PRDM16: variants seen among roughly 807,000 people sequenced by gnomAD.
The protein encoded by PRDM16 is histone-lysine N-methyltransferase PRDM16.
PRDM16 carries 23 observed loss-of-function variants against 110.6 expected under a neutral mutation model. The ratio of observed to expected loss-of-function variants is 0.21; its 90% CI spans 0.15 to 0.29. The LOEUF (loss-of-function observed/expected upper bound fraction) is 0.29, where lower values mean the gene tolerates loss of function less well. PRDM16 is among the 10% of genes least tolerant of loss of function. PRDM16 has a pLI of 1.00. For synonymous variants in PRDM16, 799 were observed against 781.8 expected, an observed-to-expected ratio of 1.02 and a Z score of -0.37; for missense variants, 1,615 against 1,794.3, an observed-to-expected ratio of 0.90 and a Z score of 1.81.
At chr1:3,083,696 G>T (rs1642084495) in intron 1 of PRDM16, among the ~76,000 whole-genome samples, 1 of 152,122 alleles carries the variant, frequency 6.6e-6, no homozygotes, top group African/African-American at 2.4e-5. Context: ...CAGGGGGTTG[G>T]GGGTGTTGTT....
chr1:3,101,647 G>A (rs569642759), intron 1 of PRDM16, among the ~76,000 whole-genome samples: 160 of 152,334 alleles, frequency 1.1e-3, no homozygotes, highest in African/African-American at 3.6e-3. Context: ...TCTCTGCTCC[G>A]GGCCAGGCAG....
chr1:3,322,630 C>T (rs1641787906), intron 3 of PRDM16, among the ~76,000 whole-genome samples: 5 of 152,196 alleles, frequency 3.3e-5, no homozygotes, highest in African/African-American at 1.2e-4. Flanking sequence ...TGGTGTAGGC[C>T]AGTGCCTGGC....
intron 3 of PRDM16, among the ~76,000 whole-genome samples, chr1:3,268,292 C>A (rs556920854): frequency 6.6e-6 from 1 of 152,218 alleles, no homozygotes; most frequent in African/African-American, 2.4e-5. Context: ...CTTTGTCAGG[C>A]TCCGAGCAAT....
chr1:3,310,488 C>A (rs2100413333), intron 3 of PRDM16, among the ~76,000 whole-genome samples: 1 of 152,290 alleles, frequency 6.6e-6, no homozygotes, highest in East Asian at 1.9e-4. Flanking sequence ...CCACAGGGGC[C>A]CTCGGAGCTG....
intron 2 of PRDM16, among the ~76,000 whole-genome samples, chr1:3,215,564 C>T (rs951222415): frequency 6.6e-6 from 1 of 151,848 alleles, no homozygotes; most frequent in African/African-American, 2.4e-5. Context: ...GCTGCAGCCC[C>T]ACCCTCCCTC....
Position 3,381,347 on chromosome 1 carries a change from A to G in PRDM16, c.439-3805A>G, listed in dbSNP as rs1643098376. Among the ~76,000 whole-genome samples the G allele has an allele frequency of 3.5e-5, 5 of 143,366 alleles. No individual in the cohort carries two copies. In the South Asian group the frequency reaches 1.0e-3, roughly 30 times the overall value. The allele number at this position is 143,366 out of a possible 152,430, so 94.1% of individuals were successfully genotyped here. On this transcript the variant is annotated intron_variant, in intron 3 of 16. Transcript: ENST00000270722. ...TTGTTTTTCCAGGGATTTATTGGGG[A>G]GAGCCCCAAGGCCTGGAAGTCAAGA...
chr1:3,374,612 G>A (rs757116997), intron 3 of PRDM16, among the ~76,000 whole-genome samples: 6 of 152,170 alleles, frequency 3.9e-5, no homozygotes, highest in Non-Finnish European at 7.3e-5. Flanking sequence ...TCTCCTGGGG[G>A]CCGCTGTGCA....
chr1:3,412,629 C>A lies in PRDM16; in HGVS notation c.2432C>A (p.Ala811Asp). Reference sequence around the variant, plus strand: ...CTGGACCTGAGCATCGGCAGCCGGGCCCGTGCCAGCCAAAACGGCGGCGGG... The same window carrying A: ...CTGGACCTGAGCATCGGCAGCCGGGACCGTGCCAGCCAAAACGGCGGCGGG... ...QPLDLSIGSR[A>D]RASQNGGGRE... Residue 811 changes from alanine to aspartate, a missense_variant, in exon 9 of 17, where the codon GCC becomes GAC. Around this residue, in one of 5 missense-constraint regions of PRDM16, gnomAD observed 772 missense variants for 748.3 expected, o/e 1.03. Coordinates refer to ENST00000270722, the MANE Select transcript of PRDM16 (RefSeq NM_022114.4). The A allele has an allele frequency of 6.3e-7, 1 of 1,578,476 alleles. No homozygotes were observed. Among genetic ancestry groups the A allele is most frequent in the Non-Finnish European group, 8.6e-7 (1 of 1,161,652 alleles).
At chr1:3,316,020 C>T (rs956137097) in intron 3 of PRDM16, among the ~76,000 whole-genome samples, 5 of 152,076 alleles carry the variant, frequency 3.3e-5, no homozygotes, top group Non-Finnish European at 7.3e-5. Flanking sequence ...CAAGCTGTGG[C>T]TTTCAGTTGG....
intron 2 of PRDM16, among the ~76,000 whole-genome samples, chr1:3,223,102 G>C (rs1007347585): frequency 2.5e-5 from 3 of 120,060 alleles, no homozygotes; most frequent in Non-Finnish European, 4.7e-5. Context: ...CAAAATCAAG[G>C]CTTTTTTTTT....
intron 3 of PRDM16, among the ~76,000 whole-genome samples, chr1:3,310,876 G>A (rs1308259227): frequency 3.3e-5 from 5 of 151,008 alleles, no homozygotes; most frequent in Admixed American, 1.3e-4. Flanking sequence ...TGCATGTGTG[G>A]GCATGCGTGT....
At chr1:3,089,829 T>C (rs1642234179) in intron 1 of PRDM16, among the ~76,000 whole-genome samples, 1 of 152,202 alleles carries the variant, frequency 6.6e-6, no homozygotes, top group South Asian at 2.1e-4. Flanking sequence ...ACCAAGCTGG[T>C]GACTTGCTCC....
At chr1:3,112,176 C>A (rs891199969) in intron 1 of PRDM16, among the ~76,000 whole-genome samples, 2 of 152,086 alleles carry the variant, frequency 1.3e-5, no homozygotes, top group African/African-American at 4.8e-5. Flanking sequence ...AAGGTCTTAG[C>A]GAAGGAAAAG....
intron 1 of PRDM16, among the ~76,000 whole-genome samples, chr1:3,070,056 G>T (rs1482057995): frequency 6.6e-6 from 1 of 152,048 alleles, no homozygotes; most frequent in East Asian, 2.0e-4. Context: ...CCGCCGGGGC[G>T]ACAGTGCCTC....
Position 3,148,416 on chromosome 1 carries a change from G to C in PRDM16, c.38-37709G>C. 6.6e-6 allele frequency among the ~76,000 whole-genome samples: 1 copy of C among 152,106 alleles called. No individual in the cohort carries two copies. ...GCCAGAGGTGAGGAAGGAGCTGTCCGGCAGGGCTGGGCTGGGCTGGGTGTC... is the reference window on the plus strand; with the variant it reads ...GCCAGAGGTGAGGAAGGAGCTGTCCCGCAGGGCTGGGCTGGGCTGGGTGTC... On this transcript the variant is annotated intron_variant, in intron 1 of 16. Transcript: ENST00000270722. This position sits in a 1 kb window ranked among gnomAD's most constrained non-coding sequence, Gnocchi z 5.0.
intron 3 of PRDM16, among the ~76,000 whole-genome samples, chr1:3,267,362 C>T (rs1413640859): frequency 6.6e-6 from 1 of 152,184 alleles, no homozygotes. Context: ...CTTTTTCTGG[C>T]TGAGTAATAT....
In PRDM16 at chr1:3,396,540, T is replaced by C. The variant is rs1342350593; in HGVS notation, c.623T>C (p.Val208Ala). 6.2e-7 allele frequency: 1 copy of C among 1,607,836 alleles called. No homozygotes were observed. The highest frequency in any genetic ancestry group is 1.7e-5 in the Admixed American group (1 of 59,408). Residue 208 changes from valine to alanine, a missense_variant, in exon 5 of 17, where the codon GTG (valine) becomes GCG (alanine). Around this residue, in one of 5 missense-constraint regions of PRDM16, gnomAD observed 416 missense variants for 467.1 expected, o/e 0.89. Coordinates refer to ENST00000270722, the MANE Select transcript of PRDM16 (RefSeq NM_022114.4). ...ATTGAGCCAGGTGAGGAGCTGCTGGTGCACGTGAAGGAAGGCGTCTACCCC... is the reference window on the plus strand; with the variant it reads ...ATTGAGCCAGGTGAGGAGCTGCTGGCGCACGTGAAGGAAGGCGTCTACCCC... ...KDIEPGEELL[V>A]HVKEGVYPLG...
Position 3,382,318 on chromosome 1 carries a change from T to C in PRDM16, c.439-2834T>C, listed in dbSNP as rs1338416972. 6.6e-6 allele frequency among the ~76,000 whole-genome samples: 1 copy of C among 152,200 alleles called. No individual in the cohort carries two copies. Among genetic ancestry groups the C allele is most frequent in the African/African-American group, 2.4e-5 (1 of 41,456 alleles). ...GTGCAATGGGGCGGGCTGCTGAGTC[T>C]GTGGTTCTTGGATTGGGCTGGCCCT... On this transcript the variant is annotated intron_variant, in intron 3 of 16. Transcript: ENST00000270722. This position sits in a 1 kb window ranked among gnomAD's most constrained non-coding sequence, Gnocchi z 6.6.
chr1:3,421,924 AC>A (rs1638443073), intron 12 of PRDM16, among the ~76,000 whole-genome samples: 3 of 53,740 alleles, frequency 5.6e-5, no homozygotes, highest in African/African-American at 6.9e-5. Flanking sequence ...AGGAAGACAG[AC>A]AGGCAGGCAG....
Sources: allele counts gnomAD v4.1 joint callset (sites outside exome capture counted in the v4.1 genomes callset), GRCh38; gene constraint gnomAD v4.1.1; regional missense constraint gnomAD v4.1.1; non-coding constraint Gnocchi (gnomAD v3.1); transcripts MANE v1.5; gene names NCBI Gene and HGNC (gene_info 2026-07-23, HGNC 2026-07-21).